MMP2: variants seen among roughly 807,000 people sequenced by gnomAD.
MMP2 encodes the protein matrix metallopeptidase 2, also known as 72 kDa type IV collagenase.
A neutral mutation model predicts 74.8 loss-of-function variants in MMP2; 39 were observed. The observed-to-expected ratio is 0.52, with a 90% CI of 0.40 to 0.68. The LOEUF is 0.68. Among genes scored for constraint, MMP2 ranks in the 30% least tolerant of loss-of-function variants. The pLI is 0.00. For synonymous variants in MMP2, 367 were observed against 339.8 expected (o/e 1.08, Z -0.88); for missense variants, 803 against 878.3 (o/e 0.91, Z 1.08).
Position 55,479,603 on chromosome 16 carries a change from G to T in MMP2, c.124G>T (p.Ala42Ser), listed in dbSNP as rs1016960822. The change falls in exon 1 of 13, where the codon GCC becomes TCC. Residue 42 changes from alanine (A) to serine (S), a missense_variant. Ala to Ser is a moderately conservative substitution (Grantham distance 99, BLOSUM62 1). Around this residue, in one of 3 missense-constraint regions of MMP2, gnomAD observed 223 missense variants for 232.8 expected, o/e 0.96. Coordinates refer to ENST00000219070, the MANE Select transcript of MMP2 (RefSeq NM_004530.6). ...CATCATCAAGTTCCCCGGCGATGTC[G>T]CCCCCAAAACGGACAAAGAGTTGGC... Reference protein sequence around the residue: ...SPIIKFPGDVAPKTDKELAVQ... With the variant: ...SPIIKFPGDVSPKTDKELAVQ... 1.4e-5 allele frequency: 22 copies of T among 1,613,658 alleles called. No individual in the cohort carries two copies. Among genetic ancestry groups the T allele is most frequent in the Non-Finnish European group, 1.8e-5 (21 of 1,180,006 alleles).
In MMP2 at chr16:55,485,288, G is replaced by A; in HGVS notation, c.530-11G>A. On this transcript the variant is annotated splice_polypyrimidine_tract_variant and intron_variant, in intron 3 of 12. Coordinates refer to ENST00000219070, the MANE Select transcript of MMP2 (RefSeq NM_004530.6). Reference sequence around the variant, plus strand: ...GCACAGCTAGACGCTAAGACCCAGTGTGTGTTTCAGAGCATGGCGATGGAT... The same window carrying A: ...GCACAGCTAGACGCTAAGACCCAGTATGTGTTTCAGAGCATGGCGATGGAT... 1 of 1,614,120 alleles carries A rather than the reference G, an allele frequency of 6.2e-7. No homozygotes were observed. Among genetic ancestry groups the A allele is most frequent in the African/African-American group, 1.3e-5 (1 of 75,022 alleles).
chr16:55,488,337 C>T (rs1014412092), intron 5 of MMP2: 26 of 603,610 alleles, frequency 4.3e-5, no homozygotes, highest in Middle Eastern at 4.4e-4. Flanking sequence ...CAAGGTCCCA[C>T]GGGAGGGATT....
intron 1 of MMP2, 64 bp downstream of exon 1, chr16:55,479,696 G>T (rs1962048110): frequency 6.2e-7 from 1 of 1,605,502 alleles, no homozygotes. Context: ...AAGGATGGGG[G>T]TGTCTCTCCC....
intron 6 of MMP2, 152 bp downstream of exon 6, chr16:55,488,868 A>G (rs1962329430): frequency 1.2e-6 from 1 of 817,084 alleles, no homozygotes; most frequent in Non-Finnish European, 2.0e-6. Context: ...ATGTCCGTGT[A>G]GCTAGTCAGG....
chr16:55,495,674 A>G (rs1962514027), intron 9 of MMP2, among the ~76,000 whole-genome samples: 2 of 152,248 alleles, frequency 1.3e-5, no homozygotes, highest in Non-Finnish European at 2.9e-5. Flanking sequence ...TGCAAATAAC[A>G]GAGACCATCC....
At chr16:55,486,568 G>T (rs1962266693) in intron 5 of MMP2, 1 of 151,970 alleles carries the variant, frequency 6.6e-6, no homozygotes, top group Non-Finnish European at 1.5e-5. Context: ...AGCCACATGG[G>T]GGAAATCTTT....
chr16:55,494,211 T>C (rs1962482130), intron 9 of MMP2, among the ~76,000 whole-genome samples: 1 of 152,220 alleles, frequency 6.6e-6, no homozygotes, highest in Non-Finnish European at 1.5e-5. Flanking sequence ...CCAGATTCTC[T>C]GGGTTAGAAT....
intron 2 of MMP2, 65 bp downstream of exon 2, chr16:55,483,200 T>A: frequency 1.5e-6 from 2 of 1,314,096 alleles, no homozygotes; most frequent in South Asian, 1.3e-5. Flanking sequence ...CCTTGACCCA[T>A]GCATTCTCTC....
intron 1 of MMP2, 129 bp downstream of exon 1, chr16:55,479,761 G>T: frequency 8.2e-7 from 1 of 1,212,508 alleles, no homozygotes; most frequent in South Asian, 1.3e-5. Flanking sequence ...TAAACAGCTT[G>T]GGGGGTCTTT....
intron 8 of MMP2, 78 bp downstream of exon 8, chr16:55,492,034 G>C (rs1439547007): frequency 2.1e-6 from 3 of 1,412,576 alleles, no homozygotes; most frequent in Non-Finnish European, 2.0e-6. Flanking sequence ...GGCCCAGGGG[G>C]TGGGACCAGC....
At chr16:55,483,613 C>T (rs1278655949) in intron 2 of MMP2, among the ~76,000 whole-genome samples, 3 of 152,144 alleles carry the variant, frequency 2.0e-5, no homozygotes, top group African/African-American at 7.2e-5. Flanking sequence ...AAGAGCTGTG[C>T]TCTGTATGGG....
chr16:55,484,200 G>C lies in MMP2; in HGVS notation c.529+36G>C. ...GATGGGGCAGAAGAGGGGCCAGCAG[G>C]GATCAGTGTTGAGACGAGGGGGTGA... On this transcript the variant is annotated intron_variant, in intron 3 of 12. Transcript: ENST00000219070. 2 of 1,608,966 alleles carry C rather than the reference G, an allele frequency of 1.2e-6. 1 individual carries two copies. The highest frequency in any genetic ancestry group is 2.2e-5 in the South Asian group (2 of 90,528).
At chr16:55,498,535 A>G in intron 11 of MMP2, 87 bp downstream of exon 11, 3 of 1,586,986 alleles carry the variant, frequency 1.9e-6, no homozygotes, top group Middle Eastern at 1.7e-4. Context: ...TCCTGGGCTG[A>G]GTTCAGAGGT....
chr16:55,500,491 GCATACACACACACA>G (rs1962640036), intron 11 of MMP2, among the ~76,000 whole-genome samples: 1 of 49,302 alleles, frequency 2.0e-5, no homozygotes. Context: ...GCGCATGTGC[GCATACACACACACA>G]CACACACACA....
chr16:55,485,746 G>A lies in MMP2; in HGVS notation c.801G>A (p.Lys267=). 1.2e-6 allele frequency: 2 copies of A among 1,614,100 alleles called. No individual in the cohort carries two copies. The highest frequency in any genetic ancestry group is 8.5e-7 in the Non-Finnish European group (1 of 1,180,030). ...GCTCCACCACCTACAACTTTGAGAA[G>A]GATGGCAAGTACGGCTTCTGTCCCC... is the stretch of plus-strand genomic sequence containing the variant. ...LWCSTTYNFE[K]DGKYGFCPHE... is the part of the protein sequence containing the mutation. Residue 267 remains lysine, a synonymous_variant, in exon 5 of 13, where the codon AAG becomes AAA. Transcript: ENST00000219070.
chr16:55,486,675 T>A (rs1962269285), intron 5 of MMP2: 1 of 152,166 alleles, frequency 6.6e-6, no homozygotes, highest in Admixed American at 6.6e-5. Context: ...ACAATGTAAC[T>A]TCATACTCTA....
chr16:55,491,446 G>A (rs1962403133), intron 7 of MMP2, among the ~76,000 whole-genome samples: 1 of 152,106 alleles, frequency 6.6e-6, no homozygotes, highest in African/African-American at 2.4e-5. Context: ...ATCTTTTATA[G>A]AGAGACATAA....
intron 1 of MMP2, 27 bp downstream of exon 1, chr16:55,479,659 A>G (rs368519719): frequency 2.5e-6 from 4 of 1,613,384 alleles, no homozygotes; most frequent in Non-Finnish European, 2.5e-6. Context: ...GCCTCAAGGA[A>G]CCACGTTTAG....
At chr16:55,494,873 G>A (rs1240785310) in intron 9 of MMP2, among the ~76,000 whole-genome samples, 1 of 152,252 alleles carries the variant, frequency 6.6e-6, no homozygotes, top group African/African-American at 2.4e-5. Flanking sequence ...GGAGAAGCAA[G>A]AATCTGATGG....
Sources: gnomAD v4.1 joint callset for allele counts (sites outside exome capture counted in the v4.1 genomes callset) on GRCh38, gnomAD v4.1.1 for gene constraint, gnomAD v4.1.1 regional missense constraint, MANE v1.5 for transcripts, NCBI Gene and HGNC (gene_info 2026-07-23, HGNC 2026-07-21) for gene names.